The following MYLIP variants were observed in gnomAD, a reference collection of about 807,000 sequenced individuals.
MYLIP encodes E3 ubiquitin-protein ligase MYLIP.
In MYLIP, 26 loss-of-function variants were observed where a neutral mutation model predicts 45.8. The ratio of observed to expected loss-of-function variants is 0.57; its 90% CI spans 0.42 to 0.79. The LOEUF (loss-of-function observed/expected upper bound fraction) is 0.79, where lower values mean the gene tolerates loss of function less well. Ranked by LOEUF, MYLIP falls within the 30% of genes least tolerant of loss-of-function variation. MYLIP has a pLI of 0.00. For missense variants in MYLIP, 494 were observed against 555.6 expected (o/e 0.89, Z 1.11); for synonymous variants, 213 against 218.1 (o/e 0.98, Z 0.21).
downstream of MYLIP, among the ~76,000 whole-genome samples, chr6:16,150,599 G>A (rs1225373188): frequency 6.6e-6 from 1 of 152,148 alleles, no homozygotes; most frequent in African/African-American, 2.4e-5. Flanking sequence ...AGGCCGGGAG[G>A]CGAGAGGATT....
chr6:16,162,540 A>T, the MYLIP span, among the ~76,000 whole-genome samples: 1 of 152,176 alleles, frequency 6.6e-6, no homozygotes, highest in African/African-American at 2.4e-5. Context: ...TGGTAAATAG[A>T]TCCAAAATGT....
At chr6:16,134,530 G>C (rs1759513128) in intron 2 of MYLIP, among the ~76,000 whole-genome samples, 2 of 152,106 alleles carry the variant, frequency 1.3e-5, no homozygotes, top group Admixed American at 6.5e-5. Context: ...TTTCCTAAAA[G>C]AAACTACCAC....
rs113692428 is a variant in MYLIP at position 16,144,247 on chromosome 6, A to T, written c.827+384A>T. ...AGGATAATTATTTACTTAGTCTAGGACTCAGCTTCAAAGCCAAGTTTGATT... is the reference window on the plus strand; with the variant it reads ...AGGATAATTATTTACTTAGTCTAGGTCTCAGCTTCAAAGCCAAGTTTGATT... On this transcript the variant is annotated intron_variant, in intron 5 of 6. Coordinates refer to ENST00000356840, the MANE Select transcript of MYLIP (RefSeq NM_013262.4). 2.9e-3 allele frequency among the ~76,000 whole-genome samples: 446 copies of T among 152,210 alleles called. 1 individual carries two copies. Among genetic ancestry groups the T allele is most frequent in the African/African-American group, 9.8e-3 (409 of 41,536 alleles).
chr6:16,146,842 C>T lies in MYLIP; in HGVS notation c.*91C>T, dbSNP rs1561791436. 6 of 1,099,356 alleles carry T rather than the reference C, an allele frequency of 5.5e-6. No individual in the cohort carries two copies. Among genetic ancestry groups the T allele is most frequent in the South Asian group, 1.5e-5 (1 of 67,276 alleles). 68.1% of individuals were successfully genotyped at this position (1,099,356 alleles called of 1,614,324 possible). A position where few individuals can be genotyped will look rare whatever the true frequency, so the allele number is the denominator to read the frequency against. On this transcript the variant is annotated 3_prime_UTR_variant, in exon 7 of 7. Transcript: ENST00000356840. ...ATAGATTGTGGAGAAAGTAATTATT[C>T]CAACACCCATCTGCCATGCGATGTT... is the stretch of plus-strand genomic sequence containing the variant.
At chr6:16,146,590 G>T in intron 6 of MYLIP, 72 bp from the exon 7 acceptor site, 1 of 1,143,794 alleles carries the variant, frequency 8.7e-7, no homozygotes, top group South Asian at 1.3e-5. Flanking sequence ...AGAGACCAGG[G>T]GTGTGCACAG....
At chr6:16,130,519 C>G (rs749091403) in intron 1 of MYLIP, 38 bp from the exon 2 acceptor site, 1 of 1,599,154 alleles carries the variant, frequency 6.3e-7, no homozygotes, top group Non-Finnish European at 8.5e-7. Flanking sequence ...TTGATACGTA[C>G]CATTTGCTCA....
chr6:16,146,865 G>GT lies in MYLIP; in HGVS notation c.*116dup. The GT allele has an allele frequency of 3.5e-6, 2 of 569,200 alleles. No individual in the cohort carries two copies. The highest frequency in any genetic ancestry group is 2.8e-5 in the African/African-American group (1 of 35,450). The allele number at this position is 569,200 out of a possible 1,614,324, so 35.3% of individuals were successfully genotyped here. A position where few individuals can be genotyped will look rare whatever the true frequency, so the allele number is the denominator to read the frequency against. ...TTCCAACACCCATCTGCCATGCGAT[G>GT]TTAAAAAAAAAAAAAAGGAAGAAAA... On this transcript the variant is annotated 3_prime_UTR_variant, in exon 7 of 7. Transcript: ENST00000356840.
chr6:16,151,924 T>G (rs1034366607), downstream of MYLIP, among the ~76,000 whole-genome samples: 1 of 152,244 alleles, frequency 6.6e-6, no homozygotes, highest in Admixed American at 6.5e-5. Context: ...GAAGAAGGTA[T>G]CTATATGAAA....
In MYLIP at chr6:16,145,453, T is replaced by G. The variant is rs559405014; in HGVS notation, c.1248+136T>G. The G allele has an allele frequency of 2.0e-4, 194 of 993,058 alleles. 3 individuals are homozygous for G. The African/African-American group carries it at 2.6e-3, about 13-fold the overall frequency. The allele number at this position is 993,058 out of a possible 1,614,324, so 61.5% of individuals were successfully genotyped here. A position where few individuals can be genotyped will look rare whatever the true frequency, so the allele number is the denominator to read the frequency against. ...TTCACCCGGAAAGGGTCTTTGTATT[T>G]GGTGACCTAAAAGGCATTGCCCTTT... On this transcript the variant is annotated intron_variant, in intron 6 of 6. Transcript: ENST00000356840.
rs1303070948 is a variant in MYLIP at position 16,136,841 on chromosome 6, G to C, written c.279-4784G>C. On this transcript the variant is annotated intron_variant, in intron 2 of 6. Coordinates refer to ENST00000356840, the MANE Select transcript of MYLIP (RefSeq NM_013262.4). ...GTTCATGTGTTTATTGGCCTTTCATGTATCTTTTTCAAAGTGTCCAAGTCA... is the reference window on the plus strand; with the variant it reads ...GTTCATGTGTTTATTGGCCTTTCATCTATCTTTTTCAAAGTGTCCAAGTCA... Among the ~76,000 whole-genome samples, 3 of 152,160 alleles carry C rather than the reference G, an allele frequency of 2.0e-5. No individual in the cohort carries two copies. The East Asian group carries it at 5.8e-4, about 29-fold the overall frequency.
chr6:16,137,387 A>G (rs1335976768), intron 2 of MYLIP, among the ~76,000 whole-genome samples: 1 of 152,218 alleles, frequency 6.6e-6, no homozygotes, highest in South Asian at 2.1e-4. Flanking sequence ...ATTACTCACT[A>G]TGGCTAGAGT....
At chr6:16,130,826 A>G in intron 2 of MYLIP, 79 bp downstream of exon 2, 1 of 1,360,788 alleles carries the variant, frequency 7.3e-7, no homozygotes, top group Non-Finnish European at 9.9e-7. Flanking sequence ...TCCCAGAGAT[A>G]CTCACAGGCA....
chr6:16,145,096 A>G lies in MYLIP; in HGVS notation c.1027A>G (p.Asn343Asp), dbSNP rs751673990. 1 of 1,614,230 alleles carries G rather than the reference A, an allele frequency of 6.2e-7. No homozygotes were observed. Among genetic ancestry groups the G allele is most frequent in the Non-Finnish European group, 8.5e-7 (1 of 1,180,026 alleles). ...AGVVDLVSRN[N>D]QSPSHSPLKS... ...CGTTGTGGACCTCGTTTCAAGAAAC[A>G]ACCAGAGCCCTTCACACTCGCCTCT... Residue 343 changes from asparagine (N) to aspartate (D), a missense_variant, in exon 6 of 7, where the codon AAC becomes GAC. Asn to Asp is a conservative substitution (Grantham distance 23, BLOSUM62 1). Transcript: ENST00000356840.
the MYLIP span, among the ~76,000 whole-genome samples, chr6:16,160,460 C>T: frequency 6.6e-6 from 1 of 152,252 alleles, no homozygotes; most frequent in East Asian, 1.9e-4. Context: ...CCTCCTGTCA[C>T]GTATTGGTTT....
rs1397596562 is a variant in MYLIP, at chr6:16,130,520, C to T, written c.88-37C>T. 2.5e-6 allele frequency: 4 copies of T among 1,600,402 alleles called. No homozygotes were observed. In the Admixed American group the frequency reaches 5.1e-5, roughly 20 times the overall value. On this transcript the variant is annotated intron_variant, in intron 1 of 6. Transcript: ENST00000356840. ...CCGTTGGGTTTGCTTTGATACGTAC[C>T]ATTTGCTCATCCAGGCTGCATTCCT...
At chr6:16,162,802 A>AG in the MYLIP span, among the ~76,000 whole-genome samples, 1 of 151,070 alleles carries the variant, frequency 6.6e-6, no homozygotes. Flanking sequence ...AAAAAAAAAA[A>AG]AAAGAAATTC....
At chr6:16,144,297 T>A (rs1759739519) in intron 5 of MYLIP, among the ~76,000 whole-genome samples, 1 of 152,208 alleles carries the variant, frequency 6.6e-6, no homozygotes, top group South Asian at 2.1e-4. Context: ...CCTGAGGGAC[T>A]GGGCCTGCTC....
At chr6:16,143,342 T>A in intron 4 of MYLIP, 125 bp downstream of exon 4, 1 of 961,308 alleles carries the variant, frequency 1.0e-6, no homozygotes, top group Non-Finnish European at 1.6e-6. Flanking sequence ...TTCATTTTGG[T>A]ATGTACATTA....
At chr6:16,158,990 T>A in the MYLIP span, among the ~76,000 whole-genome samples, 1 of 152,216 alleles carries the variant, frequency 6.6e-6, no homozygotes, top group Non-Finnish European at 1.5e-5. Context: ...AACCACTCCG[T>A]CAATGTTGAC....
Sources: gnomAD v4.1 joint callset for allele counts (sites outside exome capture counted in the v4.1 genomes callset) on GRCh38, gnomAD v4.1.1 for gene constraint, MANE v1.5 for transcripts, NCBI Gene and HGNC (gene_info 2026-07-23, HGNC 2026-07-21) for gene names.